Variants in ARHGEF3 observed in about 807,000 individuals in gnomAD.
ARHGEF3 encodes the protein Rho guanine nucleotide exchange factor 3.
A neutral mutation model predicts 63.2 loss-of-function variants in ARHGEF3; 28 were observed. The ratio of observed to expected loss-of-function variants is 0.44; its 90% CI spans 0.33 to 0.61. The LOEUF is 0.61. Among genes scored for constraint, ARHGEF3 ranks in the 20% least tolerant of loss-of-function variants. The pLI is 0.03. For synonymous variants in ARHGEF3, 266 were observed against 254.2 expected (o/e 1.05, Z -0.44); for missense variants, 533 against 659.3 (o/e 0.81, Z 2.10).
intron 2 of ARHGEF3, among the ~76,000 whole-genome samples, chr3:56,770,068 C>T (rs2035922501): frequency 6.6e-6 from 1 of 152,158 alleles, no homozygotes; most frequent in Non-Finnish European, 1.5e-5. Context: ...CACTGAGCAC[C>T]CCTTTGGGGC....
intron 3 of ARHGEF3, among the ~76,000 whole-genome samples, chr3:56,917,887 T>G (rs1304373456): frequency 6.6e-6 from 1 of 152,216 alleles, no homozygotes; most frequent in Admixed American, 6.5e-5. Context: ...TAAAAAGCCT[T>G]ACGCCTTTCA....
chr3:56,826,641 T>G (rs1173781950), intron 4 of ARHGEF3, among the ~76,000 whole-genome samples: 2 of 152,204 alleles, frequency 1.3e-5, no homozygotes, highest in African/African-American at 2.4e-5. Flanking sequence ...GTCAGGGATC[T>G]CATAAGTATC....
At chr3:57,003,393 C>T (rs114937295) in intron 2 of ARHGEF3, among the ~76,000 whole-genome samples, 1,884 of 91,612 alleles carry the variant, frequency 0.021, 61 homozygotes, top group African/African-American at 0.08. Flanking sequence ...CGAAGCGAGA[C>T]GCCGTCTCAA....
chr3:56,843,104 G>A (rs1393213655), intron 4 of ARHGEF3, among the ~76,000 whole-genome samples: 1 of 152,060 alleles, frequency 6.6e-6, no homozygotes, highest in Non-Finnish European at 1.5e-5. Flanking sequence ...ACCAGTTTAG[G>A]GTTTTAACTC....
At chr3:57,024,564 T>C (rs2107177418) in intron 2 of ARHGEF3, among the ~76,000 whole-genome samples, 1 of 152,292 alleles carries the variant, frequency 6.6e-6, no homozygotes, top group African/African-American at 2.4e-5. Flanking sequence ...CTCGGCTCAC[T>C]GCAAGCGCTG....
rs911481626 is a variant in ARHGEF3, at chr3:56,882,199, C to T, written c.192+93G>A. On this transcript the variant is annotated intron_variant, in intron 4 of 12. Transcript: ENST00000338458. The stretch of plus-strand genomic sequence containing the variant: ...AACTTCCATAGTCAGATCCTGGAAG[C>T]CCACTTCAAGCACACAGCATATTAT... The T allele has an allele frequency of 1.8e-5, 22 of 1,239,000 alleles. 1 individual carries two copies. The South Asian group carries it at 2.8e-4, about 16-fold the overall frequency. 76.8% of individuals were successfully genotyped at this position (1,239,000 alleles called of 1,614,324 possible).
At position 56,748,018 on chromosome 3, in the gene ARHGEF3, G is replaced by C. The variant is rs186940020; in HGVS notation, c.613-2556C>G. Among the ~76,000 whole-genome samples, 586 of 152,288 alleles carry C rather than the reference G, an allele frequency of 3.8e-3. 2 individuals are homozygous for C. The highest frequency in any genetic ancestry group is 6.9e-3 in the Non-Finnish European group (472 of 68,026). On this transcript the variant is annotated intron_variant, in intron 6 of 9. Coordinates refer to ENST00000296315, the MANE Select transcript of ARHGEF3 (RefSeq NM_019555.3). Reference sequence around the variant, plus strand: ...TCTGATATAGAATCAGTAAGTACTAGCTATTATTACTTGTCCCAAGAAGTT... The same window carrying C: ...TCTGATATAGAATCAGTAAGTACTACCTATTATTACTTGTCCCAAGAAGTT...
chr3:56,776,448 G>A (rs963520800), intron 1 of ARHGEF3, among the ~76,000 whole-genome samples: 1 of 152,202 alleles, frequency 6.6e-6, no homozygotes, highest in Non-Finnish European at 1.5e-5. Context: ...ATGTAAGCAG[G>A]TGCAATTTCA....
intron 1 of ARHGEF3, among the ~76,000 whole-genome samples, chr3:56,784,441 G>A (rs1031087926): frequency 2.6e-5 from 4 of 152,146 alleles, no homozygotes; most frequent in Non-Finnish European, 5.9e-5. Context: ...GTCACACAAC[G>A]AGGCACCCAG....
chr3:56,784,519 G>A (rs544682891), intron 1 of ARHGEF3, among the ~76,000 whole-genome samples: 65 of 152,300 alleles, frequency 4.3e-4, no homozygotes, highest in Non-Finnish European at 7.9e-4. Context: ...TTGGGGTTCC[G>A]GAGTCAGTCA....
At chr3:56,982,168 A>T (rs1397345621) in intron 2 of ARHGEF3, among the ~76,000 whole-genome samples, 1 of 152,112 alleles carries the variant, frequency 6.6e-6, no homozygotes, top group East Asian at 1.9e-4. Context: ...GAAGGCTCCT[A>T]ATGACACAGA....
chr3:56,845,073 G>A (rs992213945), intron 4 of ARHGEF3, among the ~76,000 whole-genome samples: 3 of 152,190 alleles, frequency 2.0e-5, no homozygotes, highest in Non-Finnish European at 4.4e-5. Context: ...TGGAGCTGAA[G>A]GTGGCCTCCA....
At position 56,967,855 on chromosome 3, in the gene ARHGEF3, TATA is replaced by T. The variant is rs533046815; in HGVS notation, c.63-8969_63-8967del. On this transcript the variant is annotated intron_variant, in intron 2 of 12. Transcript: ENST00000338458. ...ATATTAATTATATTATTATATAATATATAATGACATATATAATATATAATATAA... is the reference window on the plus strand; with the variant it reads ...ATATTAATTATATTATTATATAATATATGACATATATAATATATAATATAA... 8.0e-3 allele frequency among the ~76,000 whole-genome samples: 301 copies of T among 37,528 alleles called. 1 individual carries two copies. The highest frequency in any genetic ancestry group is 0.022 in the African/African-American group (283 of 12,782). 24.6% of individuals were successfully genotyped at this position (37,528 alleles called of 152,430 possible). A position where few individuals can be genotyped will look rare whatever the true frequency, so the allele number is the denominator to read the frequency against.
chr3:56,773,588 T>C, intron 2 of ARHGEF3, 121 bp downstream of exon 2: 1 of 833,632 alleles, frequency 1.2e-6, no homozygotes, highest in Middle Eastern at 2.3e-4. Flanking sequence ...TGCACTCTTC[T>C]ATTGAAATAA....
intron 2 of ARHGEF3, among the ~76,000 whole-genome samples, chr3:57,014,501 G>C (rs139225836): frequency 7.6e-4 from 115 of 152,106 alleles, no homozygotes; most frequent in African/African-American, 2.7e-3. Context: ...GTGCATATGC[G>C]TACCAATGCA....
chr3:56,832,886 C>A (rs766732871), intron 4 of ARHGEF3, among the ~76,000 whole-genome samples: 1 of 152,208 alleles, frequency 6.6e-6, no homozygotes, highest in Non-Finnish European at 1.5e-5. Context: ...AACATATGAC[C>A]TTTTGTTTCT....
At chr3:56,740,975 T>C (rs1041135223) in intron 7 of ARHGEF3, among the ~76,000 whole-genome samples, 3 of 152,244 alleles carry the variant, frequency 2.0e-5, no homozygotes, top group Non-Finnish European at 2.9e-5. Flanking sequence ...CAGTTCCTTA[T>C]GCAGCTAAGA....
intron 1 of ARHGEF3, among the ~76,000 whole-genome samples, chr3:57,047,400 A>ACAG (rs1402030416): frequency 1.3e-5 from 2 of 151,664 alleles, no homozygotes; most frequent in African/African-American, 2.4e-5. Context: ...CGTCTCAAAA[A>ACAG]CAACAACAAC....
intron 2 of ARHGEF3, among the ~76,000 whole-genome samples, chr3:56,765,648 G>A (rs563192527): frequency 2.7e-4 from 41 of 152,122 alleles, no homozygotes; most frequent in South Asian, 1.0e-3. Flanking sequence ...AGCCTGAAAC[G>A]CTTCCTCCCT....
Sources: gnomAD v4.1 joint callset for allele counts (sites outside exome capture counted in the v4.1 genomes callset) on GRCh38, gnomAD v4.1.1 for gene constraint, MANE v1.5 for transcripts, NCBI Gene and HGNC (gene_info 2026-07-23, HGNC 2026-07-21) for gene names.